Variants in PTPRM observed in about 807,000 individuals in gnomAD.
The protein encoded by PTPRM is receptor-type tyrosine-protein phosphatase mu.
PTPRM carries 47 observed loss-of-function variants against 186.7 expected under a neutral mutation model. The observed-to-expected ratio is 0.25, with a 90% confidence interval of 0.20 to 0.32. The LOEUF is 0.32. Ranked by LOEUF, PTPRM falls within the 10% of genes least tolerant of loss-of-function variation. The probability of loss-of-function intolerance (pLI) is 1.00; values close to 1 mark genes in which losing one functional copy is unlikely to be tolerated. For synonymous variants in PTPRM, 668 were observed against 674.9 expected (o/e 0.99, Z 0.16); for missense variants, 1,494 against 1,865.0 (o/e 0.80, Z 3.66).
chr18:7,861,350 G>T (rs1004937041), intron 2 of PTPRM, among the ~76,000 whole-genome samples: 1 of 151,978 alleles, frequency 6.6e-6, no homozygotes, highest in Non-Finnish European at 1.5e-5. Flanking sequence ...AACACACTCA[G>T]TATTTATAGT....
intron 1 of PTPRM, among the ~76,000 whole-genome samples, chr18:7,690,248 G>A (rs1262071113): frequency 6.6e-6 from 1 of 152,168 alleles, no homozygotes; most frequent in Admixed American, 6.5e-5. Context: ...GTCACAGGTG[G>A]TCACCAGTGT....
intron 11 of PTPRM, among the ~76,000 whole-genome samples, chr18:8,110,217 T>C (rs1483522581): frequency 1.3e-5 from 2 of 152,182 alleles, no homozygotes; most frequent in African/African-American, 2.4e-5. Context: ...CAGAAGCTTG[T>C]AGGACTTTTG....
At chr18:7,772,681 C>T (rs1488611899) in intron 1 of PTPRM, among the ~76,000 whole-genome samples, 1 of 151,926 alleles carries the variant, frequency 6.6e-6, no homozygotes, top group Non-Finnish European at 1.5e-5. Flanking sequence ...TACAGTTGAC[C>T]TAAGCATTTG....
At chr18:8,182,543 G>A (rs943626224) in intron 14 of PTPRM, among the ~76,000 whole-genome samples, 7 of 152,068 alleles carry the variant, frequency 4.6e-5, no homozygotes, top group African/African-American at 9.7e-5. Flanking sequence ...CTTCCAAATC[G>A]GAATTACCTA....
intron 5 of PTPRM, among the ~76,000 whole-genome samples, chr18:7,930,174 TC>T (rs1485929330): frequency 2.0e-5 from 3 of 152,072 alleles, no homozygotes; most frequent in African/African-American, 7.2e-5. Flanking sequence ...GCTTAGATGA[TC>T]CTCCCACCTC....
intron 2 of PTPRM, among the ~76,000 whole-genome samples, chr18:7,784,059 C>T (rs1310559906): frequency 6.6e-6 from 1 of 152,088 alleles, no homozygotes; most frequent in African/African-American, 2.4e-5. Flanking sequence ...CTTGAAAGTT[C>T]TGTGTGACCT....
At chr18:8,367,257 G>C (rs1423527889) in intron 23 of PTPRM, among the ~76,000 whole-genome samples, 1 of 152,216 alleles carries the variant, frequency 6.6e-6, no homozygotes, top group East Asian at 1.9e-4. Flanking sequence ...GATATTCTGG[G>C]AGATGAGATG....
chr18:8,001,960 A>C (rs774797599), intron 7 of PTPRM, among the ~76,000 whole-genome samples: 5 of 152,236 alleles, frequency 3.3e-5, no homozygotes, highest in Non-Finnish European at 7.3e-5. Context: ...GTTTCCTTGA[A>C]CAGTTCTGCC....
At chr18:8,328,676 T>C (rs1182134567) in intron 22 of PTPRM, among the ~76,000 whole-genome samples, 1 of 152,220 alleles carries the variant, frequency 6.6e-6, no homozygotes, top group African/African-American at 2.4e-5. Context: ...GAACAGTGAC[T>C]CCATAAAAGT....
At chr18:8,051,609 T>C (rs1203016286) in intron 7 of PTPRM, among the ~76,000 whole-genome samples, 1 of 152,256 alleles carries the variant, frequency 6.6e-6, no homozygotes, top group Non-Finnish European at 1.5e-5. Flanking sequence ...ATAGTAGTCC[T>C]GTGGGACTTG....
intron 13 of PTPRM, among the ~76,000 whole-genome samples, chr18:8,127,067 A>G (rs1294664249): frequency 1.3e-5 from 2 of 152,142 alleles, no homozygotes; most frequent in African/African-American, 4.8e-5. Context: ...TGTGTACTCC[A>G]AGCCACACTA....
intron 23 of PTPRM, among the ~76,000 whole-genome samples, chr18:8,362,073 A>G (rs1286551792): frequency 6.6e-6 from 1 of 151,994 alleles, no homozygotes; most frequent in Non-Finnish European, 1.5e-5. Flanking sequence ...TTATCCTGCC[A>G]CCCCAGTCCT....
intron 14 of PTPRM, among the ~76,000 whole-genome samples, chr18:8,233,718 G>T (rs58364481): frequency 0.16 from 24,662 of 151,890 alleles, 2,210 homozygotes; most frequent in African/African-American, 0.24. Flanking sequence ...AAAAGTCATT[G>T]CCATATCCAA....
At chr18:8,326,942 T>C (rs2095380966) in intron 22 of PTPRM, among the ~76,000 whole-genome samples, 1 of 152,202 alleles carries the variant, frequency 6.6e-6, no homozygotes, top group Non-Finnish European at 1.5e-5. Flanking sequence ...TACAAAATAA[T>C]GTCCTTTTTT....
Position 7,721,257 on chromosome 18 carries a change from GCCATTT to G in PTPRM, c.74-52891_74-52886del, listed in dbSNP as rs2040441364. On this transcript the variant is annotated intron_variant, in intron 1 of 32. Coordinates refer to ENST00000580170, the MANE Select transcript of PTPRM (RefSeq NM_001105244.2). ...TTGGCATCTTTTTATATTCTTTTTG[GCCATTT>G]GTATATCTTCTTTGGAGGAATGTCT... 9.9e-5 allele frequency among the ~76,000 whole-genome samples: 15 copies of G among 150,918 alleles called. No individual in the cohort carries two copies. In the South Asian group the frequency reaches 3.1e-3, roughly 32 times the overall value.
chr18:7,948,184 C>T (rs983236214), intron 5 of PTPRM, among the ~76,000 whole-genome samples: 1 of 148,156 alleles, frequency 6.7e-6, no homozygotes, highest in African/African-American at 2.5e-5. Context: ...CACAGGTTTC[C>T]GCTTTCAGGG....
chr18:8,157,218 A>G (rs1455380228), intron 14 of PTPRM, among the ~76,000 whole-genome samples: 2 of 152,220 alleles, frequency 1.3e-5, no homozygotes, highest in Non-Finnish European at 2.9e-5. Flanking sequence ...TAGTTCTTAC[A>G]TCATAAAATG....
At chr18:7,759,311 T>A (rs944104723) in intron 1 of PTPRM, among the ~76,000 whole-genome samples, 1 of 152,166 alleles carries the variant, frequency 6.6e-6, no homozygotes, top group Non-Finnish European at 1.5e-5. Context: ...CAAAGAGAGA[T>A]CCAAGCCACA....
intron 14 of PTPRM, among the ~76,000 whole-genome samples, chr18:8,193,127 A>G (rs1186108415): frequency 4.6e-5 from 7 of 152,362 alleles, no homozygotes; most frequent in African/African-American, 1.7e-4. Flanking sequence ...AGGGATAGAA[A>G]TAATATCTAA....
Sources: allele counts gnomAD v4.1 joint callset (sites outside exome capture counted in the v4.1 genomes callset), GRCh38; gene constraint gnomAD v4.1.1; transcripts MANE v1.5; gene names NCBI Gene and HGNC (gene_info 2026-07-23, HGNC 2026-07-21).